IL1RAP: variants seen among roughly 807,000 people sequenced by gnomAD.
IL1RAP encodes the protein interleukin 1 receptor accessory protein.
IL1RAP carries 35 observed loss-of-function variants against 60.7 expected under a neutral mutation model. The ratio of observed to expected loss-of-function variants is 0.58; its 90% CI spans 0.44 to 0.76. IL1RAP has a LOEUF of 0.76. Ranked by LOEUF, IL1RAP falls within the 30% of genes least tolerant of loss-of-function variation. The pLI, the probability that IL1RAP is intolerant of heterozygous loss-of-function variation, is 0.00. For missense variants in IL1RAP, 572 were observed against 693.9 expected (o/e 0.82, Z 1.97); for synonymous variants, 268 against 250.9 (o/e 1.07, Z -0.64).
rs184285515 is a variant in IL1RAP, at chr3:190,533,122, G to A, written c.-89+18903G>A. Among the ~76,000 whole-genome samples the A allele has an allele frequency of 1.1e-3, 173 of 152,274 alleles. 1 individual carries two copies. The highest frequency in any genetic ancestry group is 4.1e-3 in the African/African-American group (169 of 41,554). On this transcript the variant is annotated intron_variant, in intron 1 of 11. Transcript: ENST00000447382. Reference sequence around the variant, plus strand: ...GAACTGCTGTATTGAATGCCCATAGGTGTCTGTGAAAGAGGGAACCGTAGG... The same window carrying A: ...GAACTGCTGTATTGAATGCCCATAGATGTCTGTGAAAGAGGGAACCGTAGG...
chr3:190,562,945 C>T (rs368178932), intron 2 of IL1RAP, among the ~76,000 whole-genome samples: 23 of 152,224 alleles, frequency 1.5e-4, no homozygotes, highest in Admixed American at 4.6e-4. Flanking sequence ...ATATGACGAG[C>T]TCACCTGTGA....
intron 3 of IL1RAP, among the ~76,000 whole-genome samples, chr3:190,603,616 C>T (rs113887426): frequency 0.018 from 2,713 of 152,150 alleles, 72 homozygotes; most frequent in African/African-American, 0.063. Flanking sequence ...AAATTAATTT[C>T]GTCTGCTTTG....
intron 3 of IL1RAP, among the ~76,000 whole-genome samples, chr3:190,578,140 A>C (rs572816080): frequency 1.3e-5 from 2 of 152,326 alleles, no homozygotes; most frequent in Admixed American, 6.5e-5. Context: ...CAATATTCCC[A>C]TGTTACTAAC....
chr3:190,581,297 C>G (rs1727975809), intron 3 of IL1RAP, among the ~76,000 whole-genome samples: 2 of 152,148 alleles, frequency 1.3e-5, no homozygotes, highest in Non-Finnish European at 2.9e-5. Context: ...CTGCATACCC[C>G]ACAGAGCTGT....
At chr3:190,654,183 C>T (rs1459630617), downstream of IL1RAP, among the ~76,000 whole-genome samples, 1 of 129,034 alleles carries the variant, frequency 7.7e-6, no homozygotes, top group Non-Finnish European at 1.6e-5. Flanking sequence ...TGAAGTGAAA[C>T]ATCATATCAC....
rs1426960066 is a variant in IL1RAP, at chr3:190,649,630, A to G, written c.*925A>G. 1.0e-6 allele frequency: 1 copy of G among 985,876 alleles called. No homozygotes were observed. The highest frequency in any genetic ancestry group is 1.2e-6 in the Non-Finnish European group (1 of 829,928). The allele number at this position is 985,876 out of a possible 1,614,324, so 61.1% of individuals were successfully genotyped here. ...TTGTCTTTTAAGTCTTAACCTTGCT[A>G]ATGTGAATACTGGGAAAGTGATTTT... is the stretch of plus-strand genomic sequence containing the variant. On this transcript the variant is annotated 3_prime_UTR_variant, in exon 12 of 12. Coordinates refer to ENST00000447382, the MANE Select transcript of IL1RAP (RefSeq NM_002182.4).
chr3:190,627,222 G>C (rs993157514), intron 7 of IL1RAP, 101 bp from the exon 8 acceptor site: 14 of 987,074 alleles, frequency 1.4e-5, no homozygotes, highest in Admixed American at 1.3e-4. Flanking sequence ...CCATGTGAAG[G>C]ATAAACACTA....
chr3:190,605,437 C>T (rs544922198), intron 4 of IL1RAP, among the ~76,000 whole-genome samples: 1 of 152,278 alleles, frequency 6.6e-6, no homozygotes, highest in South Asian at 2.1e-4. Flanking sequence ...TTACTTTTTA[C>T]TCACAGTCAC....
At chr3:190,618,258 G>A (rs187978890) in intron 5 of IL1RAP, among the ~76,000 whole-genome samples, 70 of 152,256 alleles carry the variant, frequency 4.6e-4, no homozygotes, top group African/African-American at 1.5e-3. Context: ...GTTACTTAAC[G>A]TTTCTAGGCC....
intron 7 of IL1RAP, 48 bp from the exon 8 acceptor site, chr3:190,627,274 GT>G: frequency 7.0e-7 from 1 of 1,421,624 alleles, no homozygotes; most frequent in Non-Finnish European, 9.5e-7. Flanking sequence ...GTTTTGTTTT[GT>G]TTTGTTTTGT....
At chr3:190,632,243 T>C (rs1314511934) in intron 9 of IL1RAP, among the ~76,000 whole-genome samples, 1 of 152,224 alleles carries the variant, frequency 6.6e-6, no homozygotes, top group East Asian at 1.9e-4. Flanking sequence ...AGGCGCTCTA[T>C]TTCCTCACCA....
At chr3:190,603,103 C>T (rs1730000943) in intron 3 of IL1RAP, among the ~76,000 whole-genome samples, 1 of 151,900 alleles carries the variant, frequency 6.6e-6, no homozygotes, top group Non-Finnish European at 1.5e-5. Context: ...CCATTACGCA[C>T]AAGGACAGTG....
chr3:190,645,130 A>C (rs1268608758), intron 10 of IL1RAP, among the ~76,000 whole-genome samples: 1 of 152,256 alleles, frequency 6.6e-6, no homozygotes, highest in South Asian at 2.1e-4. Context: ...GCATTTAAAC[A>C]TACAAATTCA....
chr3:190,583,866 T>C (rs1454121135), intron 3 of IL1RAP, among the ~76,000 whole-genome samples: 1 of 152,222 alleles, frequency 6.6e-6, no homozygotes, highest in Non-Finnish European at 1.5e-5. Context: ...AGGCAGGAAC[T>C]TAACCTTTTA....
chr3:190,571,659 T>G (rs1043239416), intron 3 of IL1RAP, among the ~76,000 whole-genome samples: 1 of 152,236 alleles, frequency 6.6e-6, no homozygotes, highest in Non-Finnish European at 1.5e-5. Flanking sequence ...ATCTAGCTAA[T>G]TAACATATGT....
At chr3:190,639,382 C>T (rs931104516) in intron 9 of IL1RAP, among the ~76,000 whole-genome samples, 1 of 152,038 alleles carries the variant, frequency 6.6e-6, no homozygotes, top group African/African-American at 2.4e-5. Flanking sequence ...GTATGCTGGC[C>T]ATTTTCTTTG....
At chr3:190,609,501 G>A (rs1440702211) in intron 5 of IL1RAP, among the ~76,000 whole-genome samples, 2 of 152,176 alleles carry the variant, frequency 1.3e-5, no homozygotes, top group Non-Finnish European at 2.9e-5. Flanking sequence ...GAAGTCATAA[G>A]CTGTTAATTC....
chr3:190,550,111 G>T (rs1988743), intron 1 of IL1RAP, among the ~76,000 whole-genome samples: 1 of 152,008 alleles, frequency 6.6e-6, no homozygotes, highest in Non-Finnish European at 1.5e-5. Context: ...AAACAGGGGG[G>T]GCTTAGAGAA....
Position 190,651,241 on chromosome 3 carries a change from ATATATAG to A in IL1RAP, c.*2537_*2543del. On this transcript the variant is annotated 3_prime_UTR_variant, in exon 12 of 12. Transcript: ENST00000447382. ...ATGCCCAGGTTAACAAAGAACTGTG[ATATATAG>A]AGTGTCTAATTACAAAATCATATAC... 1 of 976,102 alleles carries A rather than the reference ATATATAG, an allele frequency of 1.0e-6. No homozygotes were observed. The highest frequency in any genetic ancestry group is 1.2e-6 in the Non-Finnish European group (1 of 821,460). 60.5% of individuals were successfully genotyped at this position (976,102 alleles called of 1,614,324 possible). A position where few individuals can be genotyped will look rare whatever the true frequency, so the allele number is the denominator to read the frequency against.
Sources: allele counts gnomAD v4.1 joint callset (sites outside exome capture counted in the v4.1 genomes callset), GRCh38; gene constraint gnomAD v4.1.1; transcripts MANE v1.5; gene names NCBI Gene and HGNC (gene_info 2026-07-23, HGNC 2026-07-21).